Variants in PCLO observed in about 807,000 individuals in gnomAD.
The protein encoded by PCLO is protein piccolo.
In PCLO, 82 loss-of-function variants were observed where a neutral mutation model predicts 427.5. The observed-to-expected ratio is 0.19, with a 90% CI of 0.16 to 0.23. The LOEUF (loss-of-function observed/expected upper bound fraction) is 0.23. Ranked by LOEUF, PCLO falls within the 10% of genes least tolerant of loss-of-function variation. PCLO has a pLI of 1.00. For missense variants in PCLO, 6,239 were observed against 6,115.9 expected, an observed-to-expected ratio of 1.02 and a Z score of -0.67; for synonymous variants, 2,357 against 2,155.4, an observed-to-expected ratio of 1.09 and a Z score of -2.59.
intron 3 of PCLO, among the ~76,000 whole-genome samples, chr7:83,098,418 A>C (rs979897119): frequency 3.3e-5 from 5 of 152,186 alleles, no homozygotes; most frequent in African/African-American, 1.2e-4. Context: ...AAGACTTGCG[A>C]TAGACACCAA....
Position 83,155,894 on chromosome 7 carries a change from T to A in PCLO, c.747A>T (p.Ser249=), listed in dbSNP as rs183916755. Residue 249 remains serine, a synonymous_variant, in exon 2 of 25, where the codon TCA becomes TCT. Transcript: ENST00000333891. ...ISSQQPEKIK[S]QPPGTGKPIQ... is the part of the protein sequence containing the mutation. ...TTGGCTTTCCTGTACCTGGAGGTTGTGATTTAATTTTTTCTGGTTGTTGAG... is the reference window on the plus strand; with the variant it reads ...TTGGCTTTCCTGTACCTGGAGGTTGAGATTTAATTTTTTCTGGTTGTTGAG... 8 of 1,613,800 alleles carry A rather than the reference T, an allele frequency of 5.0e-6. No homozygotes were observed. The Admixed American group carries it at 5.0e-5, about 10-fold the overall frequency.
chr7:83,080,357 C>T (rs1385019085), intron 3 of PCLO, among the ~76,000 whole-genome samples: 2 of 152,114 alleles, frequency 1.3e-5, no homozygotes, highest in African/African-American at 4.8e-5. Context: ...AAGCATTCCT[C>T]TTTCTCCATA....
intron 3 of PCLO, among the ~76,000 whole-genome samples, chr7:82,991,199 T>TTAA (rs1174712028): frequency 6.6e-6 from 1 of 152,136 alleles, no homozygotes; most frequent in East Asian, 1.9e-4. Flanking sequence ...ATGTGTCTAT[T>TTAA]TATAGTATCT....
intron 1 of PCLO, among the ~76,000 whole-genome samples, chr7:83,160,848 C>T (rs1286146308): frequency 1.3e-5 from 2 of 152,080 alleles, no homozygotes; most frequent in Admixed American, 6.6e-5. Flanking sequence ...AAAGATCTGG[C>T]ATACAGTTCT....
In PCLO at chr7:82,953,891, C is replaced by A. The variant is rs767731993; in HGVS notation, c.7062G>T (p.Glu2354Asp). ...ATGTAAAGTATGTAGTTGAAAGCTG[C>A]TCTTTCATTGGAAGGGCTATTACAG... ...PSSVIALPMK[E>D]QLSTTYFTSG... Residue 2354 changes from glutamate to aspartate, a missense_variant, in exon 5 of 25, where the codon GAG becomes GAT. Around this residue, in one of 5 missense-constraint regions of PCLO, gnomAD observed 4,677 missense variants for 4,468.4 expected, o/e 1.05. Coordinates refer to ENST00000333891, the MANE Select transcript of PCLO (RefSeq NM_033026.6). 3 of 1,613,870 alleles carry A rather than the reference C, an allele frequency of 1.9e-6. No individual in the cohort carries two copies. The highest frequency in any genetic ancestry group is 3.3e-5 in the Admixed American group (2 of 60,020).
chr7:82,991,675 TA>T (rs1452372018), intron 3 of PCLO, among the ~76,000 whole-genome samples: 1 of 152,158 alleles, frequency 6.6e-6, no homozygotes, highest in Non-Finnish European at 1.5e-5. Context: ...TTTTGTAGTA[TA>T]TTTTGGCCAT....
At chr7:83,029,903 T>G (rs989797048) in intron 3 of PCLO, among the ~76,000 whole-genome samples, 2 of 145,318 alleles carry the variant, frequency 1.4e-5, no homozygotes, top group Admixed American at 1.4e-4. Context: ...TAGGTGGGAA[T>G]TGAACAATGA....
At chr7:82,972,612 A>G (rs1186979694) in intron 3 of PCLO, among the ~76,000 whole-genome samples, 1 of 152,034 alleles carries the variant, frequency 6.6e-6, no homozygotes, top group Non-Finnish European at 1.5e-5. Flanking sequence ...GGTCAAGTGA[A>G]GTGATTAGGA....
intron 6 of PCLO, among the ~76,000 whole-genome samples, chr7:82,932,007 A>G (rs1240545179): frequency 6.6e-6 from 1 of 152,154 alleles, no homozygotes; most frequent in African/African-American, 2.4e-5. Flanking sequence ...ATGATGGCAT[A>G]TTCAGTGGCT....
rs369880448 is a variant in PCLO, at chr7:83,134,314, C to T, written c.3236G>A (p.Cys1079Tyr). 1.9e-6 allele frequency: 3 copies of T among 1,600,916 alleles called. No individual in the cohort carries two copies. Among genetic ancestry groups the T allele is most frequent in the Non-Finnish European group, 2.6e-6 (3 of 1,173,668 alleles). Residue 1079 changes from cysteine (C) to tyrosine (Y), a missense_variant, in exon 3 of 25, where the codon TGC becomes TAC. Physicochemically the swap from Cys to Tyr is radical, Grantham distance 194. Coordinates refer to ENST00000333891, the MANE Select transcript of PCLO (RefSeq NM_033026.6). The part of the protein sequence containing the change: ...GSKDPPNFNT[C>Y]TECKNQVCNL... ...ACACACTTGATTCTTGCATTCAGTGCAAGTATTGAAGTTAGGAGGATCCTT... is the reference window on the plus strand; with the variant it reads ...ACACACTTGATTCTTGCATTCAGTGTAAGTATTGAAGTTAGGAGGATCCTT...
intron 20 of PCLO, among the ~76,000 whole-genome samples, chr7:82,818,314 A>G (rs1791718597): frequency 6.6e-6 from 1 of 152,166 alleles, no homozygotes; most frequent in Admixed American, 6.6e-5. Context: ...GAAGCTTACA[A>G]AAAATCTTTG....
intron 22 of PCLO, among the ~76,000 whole-genome samples, chr7:82,764,846 C>T (rs1348467731): frequency 6.6e-6 from 1 of 151,706 alleles, no homozygotes; most frequent in African/African-American, 2.4e-5. Flanking sequence ...GATAATAATG[C>T]AATATTAACA....
At chr7:82,883,883 C>A (rs1260956174) in intron 9 of PCLO, among the ~76,000 whole-genome samples, 1 of 152,146 alleles carries the variant, frequency 6.6e-6, no homozygotes, top group Non-Finnish European at 1.5e-5. Context: ...TATTCTCCTG[C>A]CTCGGCCTCC....
intron 3 of PCLO, among the ~76,000 whole-genome samples, chr7:83,064,552 A>G (rs949423257): frequency 6.6e-5 from 10 of 152,016 alleles, no homozygotes; most frequent in African/African-American, 9.7e-5. Flanking sequence ...ACACTAGCAT[A>G]GGGCCTGGAA....
At chr7:83,122,098 A>T (rs1791295271) in intron 3 of PCLO, among the ~76,000 whole-genome samples, 1 of 152,148 alleles carries the variant, frequency 6.6e-6, no homozygotes, top group African/African-American at 2.4e-5. Flanking sequence ...GCATTTGATA[A>T]AATTCAAGAT....
At chr7:82,797,010 A>C (rs73167394) in intron 22 of PCLO, among the ~76,000 whole-genome samples, 36,463 of 151,704 alleles carry the variant, frequency 0.24, 5,352 homozygotes, top group Non-Finnish European at 0.33. Context: ...GGAGTGAATT[A>C]TTGGATGCTA....
At chr7:83,025,979 G>A (rs897168846) in intron 3 of PCLO, among the ~76,000 whole-genome samples, 11 of 151,854 alleles carry the variant, frequency 7.2e-5, no homozygotes, top group South Asian at 2.1e-4. Flanking sequence ...AGGAACAACC[G>A]GTACCAGCCG....
At chr7:82,832,075 C>A (rs1163666075) in intron 16 of PCLO, among the ~76,000 whole-genome samples, 4 of 152,028 alleles carry the variant, frequency 2.6e-5, no homozygotes, top group Non-Finnish European at 4.4e-5. Flanking sequence ...ACACTATATT[C>A]TCTTGTGGGA....
At chr7:82,977,477 GACCTTGGCTCACACA>G (rs1460696375) in intron 3 of PCLO, among the ~76,000 whole-genome samples, 1 of 151,322 alleles carries the variant, frequency 6.6e-6, no homozygotes, top group African/African-American at 2.4e-5. Context: ...GCAATGGTGT[GACCTTGGCTCACACA>G]ACCTCTGCCT....
Sources: gnomAD v4.1 joint callset for allele counts (sites outside exome capture counted in the v4.1 genomes callset) on GRCh38, gnomAD v4.1.1 for gene constraint, gnomAD v4.1.1 regional missense constraint, MANE v1.5 for transcripts, NCBI Gene and HGNC (gene_info 2026-07-23, HGNC 2026-07-21) for gene names.